The following SLC39A10 variants were observed in gnomAD, a reference collection of about 807,000 sequenced individuals.
SLC39A10 encodes the protein solute carrier family 39 member 10.
In SLC39A10, 13 loss-of-function variants were observed where a neutral mutation model predicts 65.1. The observed-to-expected ratio is 0.20, with a 90% confidence interval of 0.13 to 0.32. The LOEUF (loss-of-function observed/expected upper bound fraction) is 0.32. Ranked by LOEUF, SLC39A10 falls within the 10% of genes least tolerant of loss-of-function variation. The probability of loss-of-function intolerance (pLI) is 1.00; values close to 1 mark genes in which losing one functional copy is unlikely to be tolerated. For missense variants in SLC39A10, 831 were observed against 1,018.4 expected, an observed-to-expected ratio of 0.82 and a Z score of 2.50; for synonymous variants, 321 against 342.2, an observed-to-expected ratio of 0.94 and a Z score of 0.68.
Position 195,714,901 on chromosome 2 carries a change from C to T in SLC39A10, c.1696+1348C>T, listed in dbSNP as rs559162640. Among the ~76,000 whole-genome samples, 10 of 151,836 alleles carry T rather than the reference C, an allele frequency of 6.6e-5. No individual in the cohort carries two copies. In the East Asian group the frequency reaches 1.2e-3, roughly 18 times the overall value. Reference sequence around the variant, plus strand: ...CCGAGTAGCTGGGACTACAGGCGCCCGCCATCACGCCCGTCTAATTTTTTG... The same window carrying T: ...CCGAGTAGCTGGGACTACAGGCGCCTGCCATCACGCCCGTCTAATTTTTTG... On this transcript the variant is annotated intron_variant, in intron 6 of 9. Coordinates refer to ENST00000359634, the MANE Select transcript of SLC39A10 (RefSeq NM_020342.3).
chr2:195,707,106 G>C (rs930687988), intron 4 of SLC39A10, among the ~76,000 whole-genome samples: 3 of 152,166 alleles, frequency 2.0e-5, no homozygotes, highest in African/African-American at 4.8e-5. Context: ...CATAAGATAT[G>C]TTGTAATGAT....
intron 2 of SLC39A10, among the ~76,000 whole-genome samples, chr2:195,615,402 A>G (rs1470146188): frequency 6.6e-6 from 1 of 152,188 alleles, no homozygotes; most frequent in Non-Finnish European, 1.5e-5. Flanking sequence ...TCTTCAGGCA[A>G]TCCTCCCACC....
chr2:195,616,571 C>A (rs1688214396), intron 2 of SLC39A10, among the ~76,000 whole-genome samples: 1 of 151,460 alleles, frequency 6.6e-6, no homozygotes, highest in South Asian at 2.1e-4. Context: ...CCTCAAAGTG[C>A]TGGGGTTACA....
intron 1 of SLC39A10, among the ~76,000 whole-genome samples, chr2:195,663,791 CTT>C (rs112204862): frequency 7.5e-6 from 1 of 133,290 alleles, no homozygotes. Context: ...TAGTTTTTTT[CTT>C]TTTTTTTTTT....
chr2:195,640,182 G>T (rs548100036), intron 2 of SLC39A10, among the ~76,000 whole-genome samples: 35 of 152,074 alleles, frequency 2.3e-4, no homozygotes, highest in Non-Finnish European at 4.6e-4. Flanking sequence ...AAGTAAATAA[G>T]TGTTGAAGAA....
chr2:195,630,156 T>C (rs1218870977), intron 2 of SLC39A10, among the ~76,000 whole-genome samples: 1 of 150,214 alleles, frequency 6.7e-6, no homozygotes, highest in Non-Finnish European at 1.5e-5. Flanking sequence ...TTTTTTTTTT[T>C]TTTTTTTAAT....
At chr2:195,719,773 T>A (rs1691957510) in intron 8 of SLC39A10, among the ~76,000 whole-genome samples, 1 of 151,116 alleles carries the variant, frequency 6.6e-6, no homozygotes, top group Non-Finnish European at 1.5e-5. Context: ...CATGGGCCAC[T>A]ACGCCTGGCT....
intron 1 of SLC39A10, among the ~76,000 whole-genome samples, chr2:195,664,280 A>G (rs928965507): frequency 9.2e-5 from 14 of 152,164 alleles, no homozygotes; most frequent in African/African-American, 3.1e-4. Flanking sequence ...ATGTTAGTGC[A>G]ACTGACATTT....
At position 195,680,091 on chromosome 2, in the gene SLC39A10, T is replaced by C. The variant is rs201839538; in HGVS notation, c.49T>C (p.Phe17Leu). The change falls in exon 2 of 10, where the codon TTT (phenylalanine) becomes CTT (leucine). Residue 17 changes from phenylalanine (F) to leucine (L), a missense_variant. Physicochemically the swap from Phe to Leu is conservative, Grantham distance 22. Around this residue, in one of 4 missense-constraint regions of SLC39A10, gnomAD observed 446 missense variants for 499.2 expected, o/e 0.89. Coordinates refer to ENST00000359634, the MANE Select transcript of SLC39A10 (RefSeq NM_020342.3). ...ATTTTGCCTCATTTGTTTGCTGACA[T>C]TTATTTTTCATCATTGCAACCATTG... ...TKFCLICLLT[F>L]IFHHCNHCHE... 1.6e-5 allele frequency: 25 copies of C among 1,607,070 alleles called. No individual in the cohort carries two copies. In the East Asian group the frequency reaches 5.6e-4, roughly 36 times the overall value.
At chr2:195,701,320 A>G (rs1691174940) in intron 3 of SLC39A10, among the ~76,000 whole-genome samples, 1 of 99,358 alleles carries the variant, frequency 1.0e-5, no homozygotes, top group Non-Finnish European at 2.1e-5. Context: ...CATTTTGTTT[A>G]TACATTATCT....
intron 4 of SLC39A10, among the ~76,000 whole-genome samples, chr2:195,707,317 T>C (rs1691441298): frequency 1.3e-5 from 2 of 152,178 alleles, no homozygotes; most frequent in South Asian, 4.1e-4. Flanking sequence ...ACCAACCTTT[T>C]TAAAAGTTGC....
intron 6 of SLC39A10, 126 bp from the exon 7 acceptor site, chr2:195,716,511 G>T: frequency 1.4e-6 from 1 of 733,072 alleles, no homozygotes; most frequent in Non-Finnish European, 2.0e-6. Flanking sequence ...ATAATTTTAG[G>T]AAATTATTTA....
At chr2:195,681,135 A>G in intron 2 of SLC39A10, 85 bp downstream of exon 2, 4 of 1,293,776 alleles carry the variant, frequency 3.1e-6, no homozygotes, top group Non-Finnish European at 4.3e-6. Flanking sequence ...GTAACAGTGG[A>G]GTATTAATCA....
intron 1 of SLC39A10, among the ~76,000 whole-genome samples, chr2:195,674,224 A>C (rs1427733177): frequency 1.3e-5 from 2 of 152,140 alleles, no homozygotes; most frequent in Non-Finnish European, 2.9e-5. Context: ...TCTAATGATG[A>C]GCATTTAGGT....
At chr2:195,644,234 C>T (rs1688864903) in intron 2 of SLC39A10, among the ~76,000 whole-genome samples, 3 of 150,906 alleles carry the variant, frequency 2.0e-5, no homozygotes, top group Admixed American at 6.6e-5. Flanking sequence ...TGGTGGCTCA[C>T]GCCTGTGATC....
intron 2 of SLC39A10, among the ~76,000 whole-genome samples, chr2:195,640,962 T>C (rs567448736): frequency 1.3e-5 from 2 of 152,300 alleles, no homozygotes; most frequent in Admixed American, 1.3e-4. Flanking sequence ...AGGGAAGCCA[T>C]TTCCAGCAGC....
chr2:195,627,843 G>C (rs1363389840), intron 2 of SLC39A10, among the ~76,000 whole-genome samples: 1 of 152,156 alleles, frequency 6.6e-6, no homozygotes, highest in East Asian at 1.9e-4. Context: ...AGATGGGAGA[G>C]GATGGCTATC....
intron 1 of SLC39A10, chr2:195,658,471 G>C (rs1292084103): frequency 1.3e-5 from 2 of 152,218 alleles, no homozygotes; most frequent in Admixed American, 1.3e-4. Context: ...GCCTTTTGCT[G>C]TTAAGTCCTC....
intron 1 of SLC39A10, chr2:195,657,748 C>G (rs1313344650): frequency 7.2e-6 from 4 of 552,422 alleles, no homozygotes; most frequent in Non-Finnish European, 9.2e-6. Context: ...GTAGGCAGGT[C>G]TTCGGGGGCT....
Sources: gnomAD v4.1 joint callset for allele counts (sites outside exome capture counted in the v4.1 genomes callset) on GRCh38, gnomAD v4.1.1 for gene constraint, gnomAD v4.1.1 regional missense constraint, MANE v1.5 for transcripts, NCBI Gene and HGNC (gene_info 2026-07-23, HGNC 2026-07-21) for gene names.